Variants in PHF2 observed in about 807,000 individuals in gnomAD.
The protein encoded by PHF2 is PHD finger protein 2.
PHF2 carries 27 observed loss-of-function variants against 120.5 expected under a neutral mutation model. That is an observed-to-expected ratio of 0.22 (90% CI 0.17 to 0.31). The LOEUF (loss-of-function observed/expected upper bound fraction) is 0.31, where lower values mean the gene tolerates loss of function less well. Among genes scored for constraint, PHF2 ranks in the 10% least tolerant of loss-of-function variants. The pLI, the probability that PHF2 is intolerant of heterozygous loss-of-function variation, is 1.00. For synonymous variants in PHF2, 568 were observed against 592.5 expected (o/e 0.96, Z 0.60); for missense variants, 1,024 against 1,434.8 (o/e 0.71, Z 4.63).
intron 1 of PHF2, among the ~76,000 whole-genome samples, chr9:93,598,904 C>T (rs575069392): frequency 6.6e-6 from 1 of 152,360 alleles, no homozygotes; most frequent in South Asian, 2.1e-4. Flanking sequence ...CTGTTGGCCT[C>T]CACACCGTTA....
chr9:93,613,784 T>C (rs1825677945), intron 1 of PHF2, among the ~76,000 whole-genome samples: 2 of 152,006 alleles, frequency 1.3e-5, no homozygotes, highest in South Asian at 4.2e-4. Flanking sequence ...TTGCCAAGAC[T>C]GGTTTCAAAC....
intron 17 of PHF2, chr9:93,672,764 G>A (rs576449177): frequency 2.0e-6 from 2 of 984,338 alleles, no homozygotes; most frequent in African/African-American, 1.8e-5. Flanking sequence ...AGGTACAGGT[G>A]TAGATGCAGG....
At position 93,649,260 on chromosome 9, in the gene PHF2, G is replaced by A; in HGVS notation, c.602+48G>A. On this transcript the variant is annotated intron_variant, in intron 5 of 21. Transcript: ENST00000359246. Reference sequence around the variant, plus strand: ...TGTGGGGGCTGGGGTTGGGGCAGGGGCGCTGTGCCGTCCTTGGTAGTCGCC... The same window carrying A: ...TGTGGGGGCTGGGGTTGGGGCAGGGACGCTGTGCCGTCCTTGGTAGTCGCC... 2.0e-6 allele frequency: 3 copies of A among 1,494,078 alleles called. 1 individual carries two copies. Among genetic ancestry groups the A allele is most frequent in the South Asian group, 1.2e-5 (1 of 82,744 alleles). The allele number at this position is 1,494,078 out of a possible 1,614,324, so 92.6% of individuals were successfully genotyped here.
chr9:93,666,077 GC>G lies in PHF2; in HGVS notation c.2187+23del. On this transcript the variant is annotated intron_variant, in intron 16 of 21. Transcript: ENST00000359246. ...GCGTACAAGGTGAGCTGCCTTACAG[GC>G]CCCCCTCAGTCTCGGGGGGCATCTC... 2 of 1,608,652 alleles carry G rather than the reference GC, an allele frequency of 1.2e-6. No individual in the cohort carries two copies. Among genetic ancestry groups the G allele is most frequent in the Admixed American group, 1.7e-5 (1 of 59,942 alleles).
chr9:93,602,369 C>G (rs896168047), intron 1 of PHF2, among the ~76,000 whole-genome samples: 9 of 147,500 alleles, frequency 6.1e-5, no homozygotes, highest in Non-Finnish European at 1.3e-4. Flanking sequence ...TCTCCTGTCT[C>G]AGCCTCCTGA....
chr9:93,646,326 A>G (rs528183734), intron 4 of PHF2, among the ~76,000 whole-genome samples: 139 of 152,314 alleles, frequency 9.1e-4, no homozygotes, highest in African/African-American at 3.2e-3. Context: ...GGGTAGAGGA[A>G]GCACCTGTGG....
intron 7 of PHF2, among the ~76,000 whole-genome samples, chr9:93,654,925 A>T (rs923384178): frequency 1.3e-5 from 2 of 152,160 alleles, no homozygotes; most frequent in Non-Finnish European, 2.9e-5. Context: ...CCATGGCTGG[A>T]GACCCAGCTC....
chr9:93,671,066 T>G (rs1587720772), intron 17 of PHF2: 1 of 873,758 alleles, frequency 1.1e-6, no homozygotes, highest in African/African-American at 3.6e-5. Flanking sequence ...TAGATGCAGG[T>G]GGGGGTGCAG....
chr9:93,634,266 G>A (rs1826054927), intron 2 of PHF2, among the ~76,000 whole-genome samples: 1 of 152,204 alleles, frequency 6.6e-6, no homozygotes, highest in Non-Finnish European at 1.5e-5. Context: ...AGGCCCAGCA[G>A]GAGGGTGATG....
intron 6 of PHF2, among the ~76,000 whole-genome samples, chr9:93,653,572 T>C (rs758645504): frequency 2.0e-5 from 3 of 152,140 alleles, no homozygotes; most frequent in Non-Finnish European, 4.4e-5. Context: ...CGCATGAGTG[T>C]CTCCTTGTTC....
At chr9:93,608,161 CT>C (rs1014923375) in intron 1 of PHF2, among the ~76,000 whole-genome samples, 47 of 152,060 alleles carry the variant, frequency 3.1e-4, no homozygotes, top group African/African-American at 1.1e-3. Context: ...ACATCCTTGC[CT>C]TTTTCCTGAT....
At chr9:93,579,380 G>T (rs1270128735) in intron 1 of PHF2, among the ~76,000 whole-genome samples, 1 of 152,098 alleles carries the variant, frequency 6.6e-6, no homozygotes, top group Non-Finnish European at 1.5e-5. Flanking sequence ...CAGTTTCCCT[G>T]TATCCTTCTC....
intron 1 of PHF2, among the ~76,000 whole-genome samples, chr9:93,589,498 A>G (rs555649719): frequency 4.7e-4 from 72 of 152,324 alleles, no homozygotes; most frequent in Middle Eastern, 6.8e-3. Context: ...GAAATTGCCA[A>G]CTGTCTCCTG....
Position 93,636,455 on chromosome 9 carries a change from C to T in PHF2, c.229C>T (p.Pro77Ser), listed in dbSNP as rs747348263. 2 of 1,610,632 alleles carry T rather than the reference C, an allele frequency of 1.2e-6. No individual in the cohort carries two copies. Among genetic ancestry groups the T allele is most frequent in the African/African-American group, 2.7e-5 (2 of 74,894 alleles). The change falls in exon 3 of 22, where the codon CCT becomes TCT. Residue 77 changes from proline to serine, a missense_variant. Around this residue, in one of 2 missense-constraint regions of PHF2, gnomAD observed 347 missense variants for 577.4 expected, o/e 0.60. Transcript: ENST00000359246. The part of the protein sequence containing the change: ...TWHKHGPGQA[P>S]DVKPVQNGSQ... ...GCACAAACACGGCCCGGGGCAAGCG[C>T]CTGACGTCAAGCCCGTGCAGAATGG...
At chr9:93,617,894 G>A (rs1304082890) in intron 1 of PHF2, among the ~76,000 whole-genome samples, 1 of 152,162 alleles carries the variant, frequency 6.6e-6, no homozygotes, top group Non-Finnish European at 1.5e-5. Flanking sequence ...ATTAGATGGT[G>A]CCCACACAGA....
At chr9:93,611,656 G>C (rs1054247580) in intron 1 of PHF2, among the ~76,000 whole-genome samples, 4 of 152,078 alleles carry the variant, frequency 2.6e-5, no homozygotes, top group African/African-American at 9.7e-5. Context: ...GACTACAGGT[G>C]TATGCTACTA....
In PHF2 at chr9:93,673,745, A is replaced by G. The variant is rs1448935672; in HGVS notation, c.2509A>G (p.Ser837Gly). The change falls in exon 18 of 22, where the codon AGT (serine) becomes GGT (glycine). Residue 837 changes from serine (S) to glycine (G), a missense_variant. Around this residue, in one of 2 missense-constraint regions of PHF2, gnomAD observed 677 missense variants for 857.4 expected, o/e 0.79. Transcript: ENST00000359246. The stretch of plus-strand genomic sequence containing the variant: ...TGGTGCCCGGAAGAATGGGGGTGGC[A>G]GTGGCAAGAGTGCAGGCAAACGACT... ...AHGARKNGGG[S>G]GKSAGKRLLK... 6.2e-7 allele frequency: 1 copy of G among 1,613,278 alleles called. No individual in the cohort carries two copies. The highest frequency in any genetic ancestry group is 2.2e-5 in the East Asian group (1 of 44,880).
chr9:93,600,716 C>T (rs921451918), intron 1 of PHF2, among the ~76,000 whole-genome samples: 1 of 152,226 alleles, frequency 6.6e-6, no homozygotes, highest in Non-Finnish European at 1.5e-5. Flanking sequence ...GCAGCTGGCA[C>T]TGGGGGAGGG....
At chr9:93,579,460 T>G (rs1862894279) in intron 1 of PHF2, among the ~76,000 whole-genome samples, 1 of 152,206 alleles carries the variant, frequency 6.6e-6, no homozygotes, top group Admixed American at 6.5e-5. Flanking sequence ...TTAACGCTGG[T>G]GCCGGGCTGC....
Sources: allele counts gnomAD v4.1 joint callset (sites outside exome capture counted in the v4.1 genomes callset), GRCh38; gene constraint gnomAD v4.1.1; regional missense constraint gnomAD v4.1.1; transcripts MANE v1.5; gene names NCBI Gene and HGNC (gene_info 2026-07-23, HGNC 2026-07-21).